Variants in BMPER observed in about 807,000 individuals in gnomAD.
BMPER encodes BMP binding endothelial regulator, also known as BMP-binding endothelial regulator protein.
Under a neutral mutation model 87.3 loss-of-function variants are expected in BMPER, and 45 were observed. The observed-to-expected ratio is 0.52, with a 90% CI of 0.41 to 0.66. The LOEUF (loss-of-function observed/expected upper bound fraction) is 0.66. Among genes scored for constraint, BMPER ranks in the 30% least tolerant of loss-of-function variants. BMPER has a pLI of 0.00. For synonymous variants in BMPER, 326 were observed against 316.2 expected (o/e 1.03, Z -0.33); for missense variants, 784 against 867.5 (o/e 0.90, Z 1.21).
intron 13 of BMPER, among the ~76,000 whole-genome samples, chr7:34,099,421 AT>A (rs550536068): frequency 6.6e-5 from 10 of 151,986 alleles, no homozygotes; most frequent in South Asian, 2.1e-4. Flanking sequence ...ATTTTGAAGG[AT>A]TTTTTTTCTT....
chr7:34,034,905 G>A (rs78599503), intron 6 of BMPER, among the ~76,000 whole-genome samples: 2,000 of 152,194 alleles, frequency 0.013, 55 homozygotes, highest in African/African-American at 0.046. Flanking sequence ...AGGAGAAGCC[G>A]ATGAGTGAAC....
chr7:34,044,139 T>G (rs1443786919), intron 6 of BMPER, among the ~76,000 whole-genome samples: 4 of 151,932 alleles, frequency 2.6e-5, no homozygotes, highest in Non-Finnish European at 5.9e-5. Flanking sequence ...CAGATTGGAG[T>G]TCAAGTTACT....
intron 6 of BMPER, among the ~76,000 whole-genome samples, chr7:33,992,123 C>T (rs1430783532): frequency 5.3e-5 from 8 of 151,728 alleles, no homozygotes; most frequent in Non-Finnish European, 7.4e-5. Flanking sequence ...TCTGTAGATG[C>T]CTATTAGGTC....
intron 13 of BMPER, among the ~76,000 whole-genome samples, chr7:34,104,317 C>G (rs1789761543): frequency 6.6e-6 from 1 of 152,142 alleles, no homozygotes; most frequent in Non-Finnish European, 1.5e-5. Context: ...GAGATAAGCT[C>G]TTGAGGAAAG....
chr7:34,149,077 G>A (rs138431571), intron 14 of BMPER, among the ~76,000 whole-genome samples: 10 of 152,226 alleles, frequency 6.6e-5, no homozygotes, highest in African/African-American at 2.2e-4. Flanking sequence ...CTGTCCCTGT[G>A]CCAGAACCTT....
At chr7:33,921,446 A>T (rs180691700) in intron 2 of BMPER, among the ~76,000 whole-genome samples, 1 of 152,344 alleles carries the variant, frequency 6.6e-6, no homozygotes. Flanking sequence ...TTCAAGTACC[A>T]GAATTCTGTC....
intron 7 of BMPER, 143 bp from the exon 8 acceptor site, chr7:34,051,718 G>A (rs1183480905): frequency 1.4e-6 from 1 of 737,278 alleles, no homozygotes; most frequent in Non-Finnish European, 2.4e-6. Flanking sequence ...CTTTAGGCAT[G>A]TCTGACCCAA....
chr7:34,113,963 A>G (rs767972949), intron 13 of BMPER, among the ~76,000 whole-genome samples: 13 of 152,070 alleles, frequency 8.5e-5, no homozygotes, highest in Non-Finnish European at 1.5e-4. Context: ...CCTGTGATTG[A>G]GAGTATTGGT....
intron 11 of BMPER, among the ~76,000 whole-genome samples, chr7:34,067,531 T>TAACACC (rs1788625281): frequency 6.6e-6 from 1 of 152,080 alleles, no homozygotes; most frequent in Non-Finnish European, 1.5e-5. Context: ...CCAGGTCCCT[T>TAACACC]AACACCGAGA....
At chr7:33,930,769 T>C (rs1026162353) in intron 2 of BMPER, among the ~76,000 whole-genome samples, 1 of 152,044 alleles carries the variant, frequency 6.6e-6, no homozygotes, top group Non-Finnish European at 1.5e-5. Context: ...AGTGAGGCCT[T>C]GTGTCTACAA....
intron 6 of BMPER, among the ~76,000 whole-genome samples, chr7:34,021,884 T>C (rs1032103807): frequency 3.9e-5 from 6 of 152,004 alleles, no homozygotes; most frequent in Non-Finnish European, 5.9e-5. Flanking sequence ...TCTTGAAATG[T>C]AGTGGAAAAC....
At chr7:34,068,288 G>T (rs1788646846) in intron 11 of BMPER, among the ~76,000 whole-genome samples, 1 of 152,198 alleles carries the variant, frequency 6.6e-6, no homozygotes, top group Non-Finnish European at 1.5e-5. Context: ...TGGCCCGAAA[G>T]CTTGGTCTGG....
At chr7:34,084,578 A>G (rs1789148458) in intron 12 of BMPER, among the ~76,000 whole-genome samples, 2 of 152,362 alleles carry the variant, frequency 1.3e-5, no homozygotes, top group South Asian at 4.1e-4. Flanking sequence ...CATTTGAGAC[A>G]TAAACAAAAA....
chr7:33,980,328 C>T (rs1239148733), intron 6 of BMPER, among the ~76,000 whole-genome samples: 1 of 152,114 alleles, frequency 6.6e-6, no homozygotes, highest in African/African-American at 2.4e-5. Context: ...GTGTTCAGTG[C>T]GAATAAGCAC....
intron 7 of BMPER, 30 bp from the exon 8 acceptor site, chr7:34,051,831 T>C: frequency 6.4e-7 from 1 of 1,556,050 alleles, no homozygotes; most frequent in Non-Finnish European, 8.9e-7. Context: ...GATTCTGTCT[T>C]ACTTACACTG....
At chr7:34,085,708 A>C (rs777640199) in intron 12 of BMPER, 48 bp from the exon 13 acceptor site, 3 of 1,492,174 alleles carry the variant, frequency 2.0e-6, no homozygotes, top group South Asian at 2.3e-5. Context: ...GGGAATTATT[A>C]GTGCGTTAAT....
At chr7:34,089,570 G>T (rs1283635345) in intron 13 of BMPER, among the ~76,000 whole-genome samples, 3 of 152,044 alleles carry the variant, frequency 2.0e-5, no homozygotes, top group Non-Finnish European at 4.4e-5. Flanking sequence ...TGCAACCTCT[G>T]CCCCACAGGT....
At chr7:33,994,891 A>T (rs1476302156) in intron 6 of BMPER, among the ~76,000 whole-genome samples, 1 of 152,156 alleles carries the variant, frequency 6.6e-6, no homozygotes, top group African/African-American at 2.4e-5. Flanking sequence ...TTTCAGTTCT[A>T]CAATTCTATA....
chr7:34,106,629 T>G (rs1789825563), intron 13 of BMPER, among the ~76,000 whole-genome samples: 1 of 152,212 alleles, frequency 6.6e-6, no homozygotes, highest in South Asian at 2.1e-4. Flanking sequence ...AACCTCTGCC[T>G]GGTGAGTGCC....
Sources: gnomAD v4.1 joint callset for allele counts (sites outside exome capture counted in the v4.1 genomes callset) on GRCh38, gnomAD v4.1.1 for gene constraint, MANE v1.5 for transcripts, NCBI Gene and HGNC (gene_info 2026-07-23, HGNC 2026-07-21) for gene names.